APBB1: variants seen among roughly 807,000 people sequenced by gnomAD.
APBB1 encodes the protein adaptor protein FE65a2.
Under a neutral mutation model 78.4 loss-of-function variants are expected in APBB1, and 22 were observed. The observed-to-expected ratio is 0.28, with a 90% CI of 0.20 to 0.40. The LOEUF is 0.40. Ranked by LOEUF, APBB1 falls within the 10% of genes least tolerant of loss-of-function variation. The pLI is 1.00. For synonymous variants in APBB1, 369 were observed against 372.7 expected, an observed-to-expected ratio of 0.99 and a Z score of 0.12; for missense variants, 749 against 932.4, an observed-to-expected ratio of 0.80 and a Z score of 2.56.
At position 6,403,939 on chromosome 11, in the gene APBB1, AC is replaced by A; in HGVS notation, c.722-118del. 9.0e-7 allele frequency: 1 copy of A among 1,116,452 alleles called. No homozygotes were observed. Among genetic ancestry groups the A allele is most frequent in the East Asian group, 2.6e-5 (1 of 38,762 alleles). The allele number at this position is 1,116,452 out of a possible 1,614,324, so 69.2% of individuals were successfully genotyped here. Reference sequence around the variant, plus strand: ...GAAGGGGTGGTGGAAGAGCTATACCACAACACAGTTCCTGCTTCTGCCTAGA... The same window carrying A: ...GAAGGGGTGGTGGAAGAGCTATACCAAACACAGTTCCTGCTTCTGCCTAGA... On this transcript the variant is annotated intron_variant, in intron 2 of 14. Transcript: ENST00000609360. The surrounding 1 kb of genome is among the most constrained non-coding windows in gnomAD (Gnocchi z 5.3).
At chr11:6,416,986 C>T (rs1280096795) in intron 1 of APBB1, among the ~76,000 whole-genome samples, 2 of 152,174 alleles carry the variant, frequency 1.3e-5, no homozygotes, top group Non-Finnish European at 2.9e-5. Flanking sequence ...TCAGGTGATC[C>T]GCCCGCCTTG....
chr11:6,411,312 A>T lies in APBB1; in HGVS notation c.36T>A (p.Ile12=). ...CGGGGCCTCCGTGGCTGTTGGCATT[A>T]ATGGCCGACTGGCTCAGTGATGATG... ...SVPSSLSQSA[I]NANSHGGPAL... Residue 12 remains isoleucine (I), a synonymous_variant, in exon 2 of 15, where the codon ATT becomes ATA. Coordinates refer to ENST00000609360, the MANE Select transcript of APBB1 (RefSeq NM_001164.5). The surrounding 1 kb of genome is among the most constrained non-coding windows in gnomAD (Gnocchi z 5.2). 1.9e-6 allele frequency: 3 copies of T among 1,556,236 alleles called. No homozygotes were observed. Among genetic ancestry groups the T allele is most frequent in the Non-Finnish European group, 2.6e-6 (3 of 1,152,098 alleles).
At position 6,395,508 on chromosome 11, in the gene APBB1, C is replaced by CA. The variant is rs763458297; in HGVS notation, c.*25dup. On this transcript the variant is annotated 3_prime_UTR_variant, in exon 15 of 15. Coordinates refer to ENST00000609360, the MANE Select transcript of APBB1 (RefSeq NM_001164.5). This position sits in a 1 kb window ranked among gnomAD's most constrained non-coding sequence, Gnocchi z 5.2. ...TTAGTTCCCTGGGGCCCAACACAAG[C>CA]AGGTGGAGGGAAGGTGGGGGCTTCT... 2 of 1,518,958 alleles carry CA rather than the reference C, an allele frequency of 1.3e-6. No homozygotes were observed. The highest frequency in any genetic ancestry group is 1.8e-6 in the Non-Finnish European group (2 of 1,134,328). The allele number at this position is 1,518,958 out of a possible 1,614,324, so 94.1% of individuals were successfully genotyped here.
At chr11:6,398,206 G>A (rs1370065486) in intron 12 of APBB1, among the ~76,000 whole-genome samples, 1 of 151,990 alleles carries the variant, frequency 6.6e-6, no homozygotes, top group African/African-American at 2.4e-5. Flanking sequence ...CCCTAATCCT[G>A]CTGTGCTTTT....
chr11:6,413,436 C>G (rs111933040), intron 1 of APBB1, among the ~76,000 whole-genome samples: 1 of 152,074 alleles, frequency 6.6e-6, no homozygotes, highest in African/African-American at 2.4e-5. Flanking sequence ...TCACCACTAC[C>G]CCCCTTCCCT....
At position 6,400,874 on chromosome 11, in the gene APBB1, T is replaced by C; in HGVS notation, c.1672+115A>G. The C allele has an allele frequency of 8.3e-6, 8 of 962,490 alleles. 1 individual carries two copies. In the South Asian group the frequency reaches 1.0e-4, roughly 12 times the overall value. 59.6% of individuals were successfully genotyped at this position (962,490 alleles called of 1,614,324 possible). A position where few individuals can be genotyped will look rare whatever the true frequency, so the allele number is the denominator to read the frequency against. ...GGGAGGTGGGATGCATTTTAAAGGG[T>C]AGGGAGACACCAAGCATGAGGAAGG... is the stretch of plus-strand genomic sequence containing the variant. On this transcript the variant is annotated intron_variant, in intron 12 of 14. Transcript: ENST00000609360.
In APBB1 at chr11:6,401,330, G is replaced by A. The variant is rs1848488761; in HGVS notation, c.1588+15C>T. On this transcript the variant is annotated intron_variant, in intron 11 of 14. Transcript: ENST00000609360. The surrounding 1 kb of genome is among the most constrained non-coding windows in gnomAD (Gnocchi z 4.5). Reference sequence around the variant, plus strand: ...AACAAAGCTGAGCTGGACCTGGAGGGGTTTTGACACTGACCTTGGAAAGGG... The same window carrying A: ...AACAAAGCTGAGCTGGACCTGGAGGAGTTTTGACACTGACCTTGGAAAGGG... 9 of 1,614,166 alleles carry A rather than the reference G, an allele frequency of 5.6e-6. No individual in the cohort carries two copies. The highest frequency in any genetic ancestry group is 7.6e-6 in the Non-Finnish European group (9 of 1,180,026).
chr11:6,395,826 T>C lies in APBB1; in HGVS notation c.1925A>G (p.Asn642Ser), dbSNP rs867604214. 1.2e-6 allele frequency: 2 copies of C among 1,614,108 alleles called. No individual in the cohort carries two copies. The highest frequency in any genetic ancestry group is 8.5e-7 in the Non-Finnish European group (1 of 1,180,014). ...CACAGCCTCTGAGAGGCTGGCAGCATTGGGCTCGCACCAGAACATGTGGCA... is the reference window on the plus strand; with the variant it reads ...CACAGCCTCTGAGAGGCTGGCAGCACTGGGCTCGCACCAGAACATGTGGCA... ...FCCHMFWCEP[N>S]AASLSEAVQA... is the part of the protein sequence containing the mutation. The change falls in exon 14 of 15, where the codon AAT becomes AGT. Residue 642 changes from asparagine to serine, a missense_variant. Physicochemically the swap from Asn to Ser is conservative, Grantham distance 46. This residue lies in a region of APBB1 where 96 missense variants were observed against 116.0 expected (regional missense o/e 0.83). Coordinates refer to ENST00000609360, the MANE Select transcript of APBB1 (RefSeq NM_001164.5). The surrounding 1 kb of genome is among the most constrained non-coding windows in gnomAD (Gnocchi z 5.2).
Position 6,403,381 on chromosome 11 carries a change from T to C in APBB1, c.978A>G (p.Pro326=). ...CAGGTTCCTTCAGTCCCAGCTCCATTGGGGCCTCATCACTGGGTTCATCCT... is the reference window on the plus strand; with the variant it reads ...CAGGTTCCTTCAGTCCCAGCTCCATCGGGGCCTCATCACTGGGTTCATCCT... The part of the protein sequence containing the change: ...FWKDEPSDEA[P]MELGLKEPEE... The change falls in exon 5 of 15, where the codon CCA becomes CCG. Residue 326 remains proline, a synonymous_variant. Transcript: ENST00000609360. The surrounding 1 kb of genome is among the most constrained non-coding windows in gnomAD (Gnocchi z 5.3). 1 of 1,614,106 alleles carries C rather than the reference T, an allele frequency of 6.2e-7. No homozygotes were observed. The highest frequency in any genetic ancestry group is 8.5e-7 in the Non-Finnish European group (1 of 1,179,994).
intron 1 of APBB1, among the ~76,000 whole-genome samples, chr11:6,415,941 C>T (rs1392151265): frequency 6.6e-6 from 1 of 152,204 alleles, no homozygotes; most frequent in East Asian, 1.9e-4. Context: ...CTCCCCCATA[C>T]AGGCAAACTT....
In APBB1 at chr11:6,395,983, T is replaced by TA. The variant is rs1456094143; in HGVS notation, c.1789-22dup. The stretch of plus-strand genomic sequence containing the variant: ...TCTGTCTGCATGGAGGGAACTCAGT[T>TA]AAAAAGGAACACCAACCCCACACTG... On this transcript the variant is annotated intron_variant, in intron 13 of 14. Coordinates refer to ENST00000609360, the MANE Select transcript of APBB1 (RefSeq NM_001164.5). This position sits in a 1 kb window ranked among gnomAD's most constrained non-coding sequence, Gnocchi z 5.2. 1 of 1,610,964 alleles carries TA rather than the reference T, an allele frequency of 6.2e-7. No individual in the cohort carries two copies. Among genetic ancestry groups the TA allele is most frequent in the Admixed American group, 1.7e-5 (1 of 59,806 alleles).
intron 6 of APBB1, 32 bp from the exon 7 acceptor site, chr11:6,402,757 A>G: frequency 6.2e-7 from 1 of 1,613,160 alleles, no homozygotes; most frequent in Non-Finnish European, 8.5e-7. Flanking sequence ...CAGGAGGTAG[A>G]GGATCTGAGT....
At position 6,410,638 on chromosome 11, in the gene APBB1, G is replaced by A; in HGVS notation, c.710C>T (p.Pro237Leu). The A allele has an allele frequency of 6.6e-7, 1 of 1,516,278 alleles. No individual in the cohort carries two copies. The highest frequency in any genetic ancestry group is 2.3e-5 in the Admixed American group (1 of 44,140). The allele number at this position is 1,516,278 out of a possible 1,614,324, so 93.9% of individuals were successfully genotyped here. The change falls in exon 2 of 15, where the codon CCA becomes CTA. Residue 237 changes from proline (P) to leucine (L), a missense_variant. Transcript: ENST00000609360. ...LSQGSPSYGS[P>L]EDTDSFWNPN... ...GCTCCACAAGGTACCTGTGTCCTCT[G>A]GGGAGCCATAGGAGGGGCTGCCCTG...
At chr11:6,418,847 G>A in intron 1 of APBB1, 138 bp downstream of exon 1, 2 of 357,034 alleles carry the variant, frequency 5.6e-6, no homozygotes. Context: ...GGCGCGCGGT[G>A]GAAGGGCGAC....
Position 6,396,205 on chromosome 11 carries a change from C to G in APBB1, c.1683G>C (p.Val561=), listed in dbSNP as rs535190783. 1.2e-5 allele frequency: 19 copies of G among 1,550,880 alleles called. No homozygotes were observed. The highest frequency in any genetic ancestry group is 3.3e-4 in the Middle Eastern group (2 of 6,008). Residue 561 remains valine, a synonymous_variant, in exon 13 of 15, where the codon GTG becomes GTC. Coordinates refer to ENST00000609360, the MANE Select transcript of APBB1 (RefSeq NM_001164.5). Reference sequence around the variant, plus strand: ...GGACTGACTCGAGGGCCCCATTAATCACATCTACCCCTAGAACATATGGAC... The same window carrying G: ...GGACTGACTCGAGGGCCCCATTAATGACATCTACCCCTAGAACATATGGAC... ...VPVAKPVGVD[V]INGALESVLS...
intron 1 of APBB1, 22 bp downstream of exon 1, chr11:6,418,963 C>T: frequency 2.6e-6 from 1 of 390,498 alleles, no homozygotes; most frequent in Non-Finnish European, 4.5e-6. Context: ...CGGGGCTGGG[C>T]CGGGGCAGGG....
rs547167755 is a variant in APBB1 at position 6,397,170 on chromosome 11, G to C, written c.1673-955C>G. On this transcript the variant is annotated intron_variant, in intron 12 of 14. Transcript: ENST00000609360. ...GATCTACTGTCTCTGCACAATGCCA[G>C]TGCAAAAGGCACATGCCTCTGTGGT... Among the ~76,000 whole-genome samples, 4 of 152,376 alleles carry C rather than the reference G, an allele frequency of 2.6e-5. No individual in the cohort carries two copies. The South Asian group carries it at 8.3e-4, about 32-fold the overall frequency.
Position 6,403,282 on chromosome 11 carries a change from C to T in APBB1, c.1040+37G>A. 1 of 1,612,528 alleles carries T rather than the reference C, an allele frequency of 6.2e-7. No individual in the cohort carries two copies. Among genetic ancestry groups the T allele is most frequent in the Admixed American group, 1.7e-5 (1 of 59,916 alleles). On this transcript the variant is annotated intron_variant, in intron 5 of 14. Transcript: ENST00000609360. The surrounding 1 kb of genome is among the most constrained non-coding windows in gnomAD (Gnocchi z 5.3). ...GTCCCAAGGCCCCTTCCAGACAGAT[C>T]CATCCCACTGCCAGCTCACTGCATC...
intron 12 of APBB1, among the ~76,000 whole-genome samples, chr11:6,398,732 T>C (rs1030024660): frequency 1.3e-5 from 2 of 152,210 alleles, no homozygotes; most frequent in East Asian, 1.9e-4. Flanking sequence ...CGAATCCAAA[T>C]GAAATACCCA....
Sources: gnomAD v4.1 joint callset for allele counts (sites outside exome capture counted in the v4.1 genomes callset) on GRCh38, gnomAD v4.1.1 for gene constraint, gnomAD v4.1.1 regional missense constraint, Gnocchi (gnomAD v3.1) non-coding constraint, MANE v1.5 for transcripts, NCBI Gene and HGNC (gene_info 2026-07-23, HGNC 2026-07-21) for gene names.